TMC2: variants seen among roughly 807,000 people sequenced by gnomAD.
TMC2 encodes transmembrane channel-like protein 2.
Under a neutral mutation model 105.9 loss-of-function variants are expected in TMC2, and 102 were observed. The ratio of observed to expected loss-of-function variants is 0.96; its 90% CI spans 0.82 to 1.14. The LOEUF (loss-of-function observed/expected upper bound fraction) is 1.14. Among genes scored for constraint, TMC2 ranks in the 50% most tolerant of loss-of-function variants. The pLI, the probability that TMC2 is intolerant of heterozygous loss-of-function variation, is 0.00. For synonymous variants in TMC2, 402 were observed against 422.8 expected (o/e 0.95, Z 0.60); for missense variants, 1,093 against 1,134.3 (o/e 0.96, Z 0.52).
chr20:2,568,850 T>C (rs747571610), intron 4 of TMC2, among the ~76,000 whole-genome samples: 6 of 152,076 alleles, frequency 3.9e-5, no homozygotes, highest in Non-Finnish European at 8.8e-5. Flanking sequence ...CTCACTAGCA[T>C]TGAGACACTG....
intron 11 of TMC2, among the ~76,000 whole-genome samples, chr20:2,607,462 T>C (rs1249585783): frequency 6.6e-6 from 1 of 152,244 alleles, no homozygotes; most frequent in Admixed American, 6.5e-5. Flanking sequence ...AGGCCCAGGC[T>C]GTTTTAGCTC....
intron 11 of TMC2, among the ~76,000 whole-genome samples, chr20:2,603,888 T>G (rs1342463517): frequency 6.6e-6 from 1 of 151,886 alleles, no homozygotes; most frequent in East Asian, 1.9e-4. Flanking sequence ...AGCCTTGATG[T>G]GCTGACTCTG....
In TMC2 at chr20:2,641,352, T is replaced by A; in HGVS notation, c.*1T>A. 6.2e-7 allele frequency: 1 copy of A among 1,607,452 alleles called. No individual in the cohort carries two copies. The highest frequency in any genetic ancestry group is 8.5e-7 in the Non-Finnish European group (1 of 1,174,700). On this transcript the variant is annotated 3_prime_UTR_variant, in exon 20 of 20. Transcript: ENST00000358864. ...GAGTGCTCAGAGACCTCCCCACTGATGGCTAGGACTCCAGGGAGCCTCGAC... is the reference window on the plus strand; with the variant it reads ...GAGTGCTCAGAGACCTCCCCACTGAAGGCTAGGACTCCAGGGAGCCTCGAC...
intron 10 of TMC2, among the ~76,000 whole-genome samples, chr20:2,598,601 G>C (rs2086326760): frequency 6.6e-6 from 1 of 151,796 alleles, no homozygotes; most frequent in Non-Finnish European, 1.5e-5. Context: ...ATTTTTAGTA[G>C]AGACATGGTT....
chr20:2,545,863 GAAAA>G (rs1166071986), intron 2 of TMC2, among the ~76,000 whole-genome samples: 1,183 of 100,182 alleles, frequency 0.012, 10 homozygotes, highest in East Asian at 0.044. Context: ...GAGAAAGAAA[GAAAA>G]AGAAAGAAAG....
At chr20:2,624,787 T>A (rs2086552704) in intron 17 of TMC2, among the ~76,000 whole-genome samples, 1 of 152,136 alleles carries the variant, frequency 6.6e-6, no homozygotes. Context: ...CAAGTGCAAG[T>A]CTTTTGGAGC....
intron 5 of TMC2, among the ~76,000 whole-genome samples, chr20:2,572,943 CAG>C (rs1434644952): frequency 6.6e-6 from 1 of 151,600 alleles, no homozygotes; most frequent in Non-Finnish European, 1.5e-5. Flanking sequence ...TTTTTAGAAA[CAG>C]AGTCTCACTC....
intron 10 of TMC2, among the ~76,000 whole-genome samples, chr20:2,599,762 G>T (rs946675235): frequency 1.3e-5 from 2 of 151,856 alleles, no homozygotes; most frequent in Non-Finnish European, 2.9e-5. Context: ...GTTCTTTATG[G>T]CTCAATATTT....
At chr20:2,594,526 C>T (rs889266245) in intron 8 of TMC2, among the ~76,000 whole-genome samples, 7 of 152,190 alleles carry the variant, frequency 4.6e-5, no homozygotes, top group African/African-American at 1.7e-4. Flanking sequence ...CAGTGCCCAA[C>T]CCCCTATCCC....
intron 4 of TMC2, among the ~76,000 whole-genome samples, chr20:2,570,527 C>T (rs1202820043): frequency 1.3e-5 from 2 of 152,026 alleles, no homozygotes; most frequent in Admixed American, 1.3e-4. Flanking sequence ...AAAAAAAATC[C>T]ATGCTCATGG....
chr20:2,599,177 A>T (rs1254977323), intron 10 of TMC2, among the ~76,000 whole-genome samples: 1 of 152,002 alleles, frequency 6.6e-6, no homozygotes, highest in Non-Finnish European at 1.5e-5. Flanking sequence ...CTGAGGCAGG[A>T]GAATCTCTTG....
intron 7 of TMC2, among the ~76,000 whole-genome samples, chr20:2,591,034 A>G (rs887577004): frequency 3.3e-5 from 5 of 152,144 alleles, no homozygotes; most frequent in African/African-American, 1.2e-4. Context: ...ATTTAATCTC[A>G]TTAAAAAGTC....
At position 2,637,387 on chromosome 20, in the gene TMC2, C is replaced by CAA. The variant is rs59750367; in HGVS notation, c.2386-74_2386-73dup. On this transcript the variant is annotated intron_variant, in intron 18 of 19. Coordinates refer to ENST00000358864, the MANE Select transcript of TMC2 (RefSeq NM_080751.3). ...TGGGCAACAGAGTGAGACTCTGTCTCAAAAAAAAAAAAAATCACTCTCAAC... is the reference window on the plus strand; with the variant it reads ...TGGGCAACAGAGTGAGACTCTGTCTCAAAAAAAAAAAAAAAATCACTCTCAAC... 8.0e-3 allele frequency: 4,945 copies of CAA among 615,700 alleles called. 306 individuals are homozygous for CAA. Among genetic ancestry groups the CAA allele is most frequent in the East Asian group, 0.011 (338 of 31,328 alleles). The allele number at this position is 615,700 out of a possible 1,614,324, so 38.1% of individuals were successfully genotyped here.
chr20:2,583,463 C>CT (rs372290962), intron 7 of TMC2, among the ~76,000 whole-genome samples: 24,288 of 138,356 alleles, frequency 0.18, 2,362 homozygotes, highest in Middle Eastern at 0.23. Context: ...CACATAAGCA[C>CT]TTTTTTTTTT....
chr20:2,542,724 C>T (rs1165185284), intron 2 of TMC2, among the ~76,000 whole-genome samples: 4 of 143,610 alleles, frequency 2.8e-5, no homozygotes, highest in Admixed American at 7.1e-5. Context: ...GACAGAGTCT[C>T]GCTCTGTCAC....
rs1323610490 is a variant in TMC2 at position 2,612,176 on chromosome 20, C to T, written c.1594-15C>T. ...CTAGCTCCTTCCTACCCCACACCTC[C>T]ATCTTCTGTTCTAGCTTGCTAATGA... On this transcript the variant is annotated splice_polypyrimidine_tract_variant and intron_variant, in intron 12 of 19. Transcript: ENST00000358864. 2 of 1,578,472 alleles carry T rather than the reference C, an allele frequency of 1.3e-6. No individual in the cohort carries two copies. The highest frequency in any genetic ancestry group is 1.3e-5 in the African/African-American group (1 of 74,490).
intron 18 of TMC2, 104 bp from the exon 19 acceptor site, chr20:2,637,370 A>G: frequency 3.2e-6 from 2 of 629,732 alleles, no homozygotes; most frequent in Non-Finnish European, 5.4e-6. Flanking sequence ...CCTGGGCAAC[A>G]GAGTGAGACT....
At chr20:2,580,857 T>C (rs1031276304) in intron 7 of TMC2, among the ~76,000 whole-genome samples, 1 of 152,178 alleles carries the variant, frequency 6.6e-6, no homozygotes, top group African/African-American at 2.4e-5. Context: ...AATAAGATCA[T>C]TGTGAATTGG....
Position 2,641,613 on chromosome 20 carries a change from A to G in TMC2, c.*262A>G. ...AATATCTTGGTTCAGACAGCTCTGA[A>G]CCCCACGCTCACAGTGGTCGACCTT... On this transcript the variant is annotated 3_prime_UTR_variant, in exon 20 of 20. Transcript: ENST00000358864. 2.4e-6 allele frequency: 1 copy of G among 417,170 alleles called. No individual in the cohort carries two copies. The allele number at this position is 417,170 out of a possible 1,614,324, so 25.8% of individuals were successfully genotyped here.
Sources: gnomAD v4.1 joint callset for allele counts (sites outside exome capture counted in the v4.1 genomes callset) on GRCh38, gnomAD v4.1.1 for gene constraint, MANE v1.5 for transcripts, NCBI Gene and HGNC (gene_info 2026-07-23, HGNC 2026-07-21) for gene names.